MORC1: variants seen among roughly 807,000 people sequenced by gnomAD.
MORC1 encodes the protein MORC family CW-type zinc finger 1.
In MORC1, 59 loss-of-function variants were observed where a neutral mutation model predicts 134.9. The ratio of observed to expected loss-of-function variants is 0.44; its 90% CI spans 0.35 to 0.54. The LOEUF is 0.54. Ranked by LOEUF, MORC1 falls within the 20% of genes least tolerant of loss-of-function variation. MORC1 has a pLI of 0.00. For missense variants in MORC1, 947 were observed against 1,134.5 expected, an observed-to-expected ratio of 0.83 and a Z score of 2.37; for synonymous variants, 395 against 391.7, an observed-to-expected ratio of 1.01 and a Z score of -0.10.
At chr3:109,018,676 G>C (rs1247740265) in intron 17 of MORC1, among the ~76,000 whole-genome samples, 1 of 152,130 alleles carries the variant, frequency 6.6e-6, no homozygotes, top group Non-Finnish European at 1.5e-5. Context: ...TGCTCCAGGG[G>C]TAAAAACCAG....
chr3:109,109,901 C>T (rs1159624648), intron 3 of MORC1: 1 of 152,262 alleles, frequency 6.6e-6, no homozygotes, highest in African/African-American at 2.4e-5. Context: ...TGCTCTCTCA[C>T]ACTAAGCTAC....
chr3:109,079,975 C>T (rs1950493479), intron 8 of MORC1, among the ~76,000 whole-genome samples: 1 of 152,128 alleles, frequency 6.6e-6, no homozygotes, highest in African/African-American at 2.4e-5. Flanking sequence ...TATTATGTGT[C>T]AGGTAGTGTC....
intron 16 of MORC1, among the ~76,000 whole-genome samples, chr3:109,028,630 C>G (rs780641920): frequency 6.6e-6 from 1 of 152,116 alleles, no homozygotes; most frequent in Non-Finnish European, 1.5e-5. Flanking sequence ...TACTAATAAC[C>G]CTCAAAGCAT....
chr3:109,096,492 C>A (rs1307654713), intron 6 of MORC1, among the ~76,000 whole-genome samples: 3 of 152,118 alleles, frequency 2.0e-5, no homozygotes, highest in Non-Finnish European at 4.4e-5. Context: ...GGCACCCCTA[C>A]CAGTGCCATG....
intron 21 of MORC1, among the ~76,000 whole-genome samples, chr3:108,998,787 G>A (rs1186628760): frequency 1.3e-5 from 2 of 152,152 alleles, no homozygotes; most frequent in Admixed American, 1.3e-4. Flanking sequence ...TAGACACCAT[G>A]AGTATGAAAA....
chr3:109,018,601 T>C (rs1017870066), intron 17 of MORC1, among the ~76,000 whole-genome samples: 36 of 152,290 alleles, frequency 2.4e-4, no homozygotes, highest in South Asian at 1.0e-3. Context: ...TACATTTTCT[T>C]AGGAGTTCTT....
intron 17 of MORC1, 39 bp from the exon 18 acceptor site, chr3:109,007,130 A>C (rs769778268): frequency 2.0e-6 from 3 of 1,535,876 alleles, no homozygotes; most frequent in Admixed American, 3.6e-5. Context: ...AATGTAAGTA[A>C]AAATAAGCTT....
intron 9 of MORC1, among the ~76,000 whole-genome samples, chr3:109,068,437 T>C (rs780194229): frequency 6.6e-6 from 1 of 152,244 alleles, no homozygotes; most frequent in Non-Finnish European, 1.5e-5. Context: ...AGCTCCCACA[T>C]ATCAGTGAGA....
intron 23 of MORC1, among the ~76,000 whole-genome samples, chr3:108,980,664 G>A (rs770191277): frequency 6.6e-5 from 10 of 152,186 alleles, no homozygotes; most frequent in East Asian, 1.9e-4. Context: ...GTGAACCTGC[G>A]ATGTGGTTAC....
intron 14 of MORC1, among the ~76,000 whole-genome samples, chr3:109,037,039 C>T (rs1454538193): frequency 6.6e-6 from 1 of 152,128 alleles, no homozygotes; most frequent in East Asian, 1.9e-4. Context: ...AACCCTTGAC[C>T]ATAAAACCTG....
rs746295718 is a variant in MORC1, at chr3:108,974,813, C to T, written c.2478-3411G>A. 5.3e-5 allele frequency among the ~76,000 whole-genome samples: 8 copies of T among 152,204 alleles called. No homozygotes were observed. In the East Asian group the frequency reaches 1.2e-3, roughly 22 times the overall value. ...AAATAAATATCTTAAAGATATCTTC[C>T]AAAGTTGTTACTTTCATTCAGAATC... On this transcript the variant is annotated intron_variant, in intron 24 of 27. Transcript: ENST00000232603.
chr3:109,089,949 A>C (rs1950684058), intron 8 of MORC1, among the ~76,000 whole-genome samples: 1 of 152,078 alleles, frequency 6.6e-6, no homozygotes, highest in Non-Finnish European at 1.5e-5. Context: ...CTGCAAATTC[A>C]ACTCACTTTC....
intron 17 of MORC1, among the ~76,000 whole-genome samples, chr3:109,008,973 G>A (rs939806498): frequency 2.0e-5 from 3 of 152,050 alleles, no homozygotes; most frequent in South Asian, 2.1e-4. Flanking sequence ...TTTCCTTTTT[G>A]GTTAGCCGAA....
At chr3:109,092,454 C>A (rs1185773994) in intron 8 of MORC1, among the ~76,000 whole-genome samples, 3 of 152,084 alleles carry the variant, frequency 2.0e-5, no homozygotes, top group African/African-American at 7.2e-5. Flanking sequence ...GGTCTTAACA[C>A]CTTAGTCTAA....
intron 1 of MORC1, among the ~76,000 whole-genome samples, chr3:109,115,454 G>GA (rs35853735): frequency 0.8 from 121,508 of 151,712 alleles, 49,152 homozygotes; most frequent in East Asian, 0.93. Flanking sequence ...TTGTAATTAA[G>GA]AAAAAAAACT....
chr3:109,103,716 A>G (rs1950971171), intron 4 of MORC1, 133 bp downstream of exon 4: 1 of 725,462 alleles, frequency 1.4e-6, no homozygotes, highest in African/African-American at 1.8e-5. Flanking sequence ...AAAAAGTTCA[A>G]CAAAAAGTCT....
chr3:108,978,440 C>G (rs2107434662), intron 24 of MORC1, among the ~76,000 whole-genome samples: 2 of 152,270 alleles, frequency 1.3e-5, no homozygotes, highest in Middle Eastern at 3.4e-3. Flanking sequence ...TGGGGCAGGA[C>G]TGGTGTTAGG....
At chr3:109,044,963 A>G (rs1428898616) in intron 14 of MORC1, among the ~76,000 whole-genome samples, 4 of 151,924 alleles carry the variant, frequency 2.6e-5, no homozygotes, top group African/African-American at 9.7e-5. Flanking sequence ...AAAAAAAAGA[A>G]AAAGAAATAC....
chr3:109,048,155 C>T (rs943259536), intron 14 of MORC1, among the ~76,000 whole-genome samples: 2 of 152,046 alleles, frequency 1.3e-5, no homozygotes, highest in Non-Finnish European at 2.9e-5. Flanking sequence ...TACAAATAAA[C>T]TTAAGGAAGA....
Sources: gnomAD v4.1 joint callset for allele counts (sites outside exome capture counted in the v4.1 genomes callset) on GRCh38, gnomAD v4.1.1 for gene constraint, MANE v1.5 for transcripts, NCBI Gene and HGNC (gene_info 2026-07-23, HGNC 2026-07-21) for gene names.